MYH16: variants seen among roughly 807,000 people sequenced by gnomAD.
MYH16 encodes the protein myosin heavy chain 16, also known as putative uncharacterized protein MYH16.
chr7:99,288,366 G>A (rs1792316031), intron 29 of MYH16, among the ~76,000 whole-genome samples: 1 of 152,130 alleles, frequency 6.6e-6, no homozygotes, highest in South Asian at 2.1e-4. Context: ...TTGAGCCCAG[G>A]GGGTTGAGAC....
At chr7:99,254,766 A>G (rs1791852533) in intron 8 of MYH16, among the ~76,000 whole-genome samples, 1 of 152,252 alleles carries the variant, frequency 6.6e-6, no homozygotes, top group East Asian at 1.9e-4. Context: ...CCCCACCCAC[A>G]GGTGGGCTTT....
intron 19 of MYH16, among the ~76,000 whole-genome samples, chr7:99,271,434 G>A (rs559016143): frequency 1.3e-5 from 2 of 152,234 alleles, no homozygotes; most frequent in South Asian, 2.1e-4. Context: ...GCTTGAATCC[G>A]GGAGGCGGAG....
chr7:99,276,597 A>G (rs1029196229), intron 20 of MYH16, among the ~76,000 whole-genome samples: 1 of 152,250 alleles, frequency 6.6e-6, no homozygotes, highest in Non-Finnish European at 1.5e-5. Context: ...AGCACGAGCA[A>G]ATGCTCCCGG....
intron 37 of MYH16, among the ~76,000 whole-genome samples, chr7:99,300,671 G>A (rs1370509320): frequency 6.6e-6 from 1 of 152,098 alleles, no homozygotes; most frequent in South Asian, 2.1e-4. Context: ...AGGCATGGTG[G>A]TGCTCGTGCC....
At chr7:99,270,018 C>T (rs1292620386) in intron 18 of MYH16, among the ~76,000 whole-genome samples, 2 of 151,796 alleles carry the variant, frequency 1.3e-5, no homozygotes, top group African/African-American at 2.4e-5. Flanking sequence ...GGATTACAGG[C>T]ACCTGCCAGC....
downstream of MYH16, among the ~76,000 whole-genome samples, chr7:99,310,248 G>A (rs765573226): frequency 1.1e-4 from 16 of 152,144 alleles, no homozygotes; most frequent in Non-Finnish European, 2.4e-4. Flanking sequence ...AGCGCGGTGG[G>A]GGATGAAGCT....
intron 37 of MYH16, among the ~76,000 whole-genome samples, chr7:99,299,927 T>TTTAA (rs1554339990): frequency 1.4e-5 from 2 of 138,182 alleles, no homozygotes; most frequent in Non-Finnish European, 1.5e-5. Context: ...TTTTATTTTA[T>TTTAA]TTTATTTATT....
chr7:99,259,625 A>G (rs1791914964), intron 11 of MYH16, among the ~76,000 whole-genome samples: 1 of 151,150 alleles, frequency 6.6e-6, no homozygotes, highest in African/African-American at 2.4e-5. Context: ...CGCTTGGCTA[A>G]TTTTGTATTT....
chr7:99,310,266 T>G (rs929501330), downstream of MYH16, among the ~76,000 whole-genome samples: 3 of 151,796 alleles, frequency 2.0e-5, no homozygotes, highest in East Asian at 5.8e-4. Flanking sequence ...GCTAGCAGGG[T>G]AGGGTAGGCA....
At chr7:99,280,111 G>C (rs947492938) in intron 22 of MYH16, among the ~76,000 whole-genome samples, 1 of 152,176 alleles carries the variant, frequency 6.6e-6, no homozygotes, top group Non-Finnish European at 1.5e-5. Context: ...CACCTCAGGT[G>C]ATCTGCCTGT....
exon 14 of MYH16, chr7:99,263,448 G>A (rs952747347): frequency 3.3e-5 from 5 of 152,884 alleles, no homozygotes; most frequent in African/African-American, 1.2e-4. Context: ...CTTCAAAGAA[G>A]AGGAGGCTCC....
At chr7:99,240,247 G>A (rs1336503908) in intron 1 of MYH16, among the ~76,000 whole-genome samples, 1 of 152,068 alleles carries the variant, frequency 6.6e-6, no homozygotes, top group East Asian at 1.9e-4. Flanking sequence ...TGCAAAAATA[G>A]CAAATGATGA....
At chr7:99,267,401 T>A (rs75089117) in intron 18 of MYH16, among the ~76,000 whole-genome samples, 3,138 of 152,228 alleles carry the variant, frequency 0.021, 85 homozygotes, top group African/African-American at 0.071. Flanking sequence ...GCTAATTTTT[T>A]AAATTATTTG....
chr7:99,273,568 C>G (rs1380577145), intron 20 of MYH16, 145 bp downstream of exon 2: 1 of 379,728 alleles, frequency 2.6e-6, no homozygotes, highest in Non-Finnish European at 5.2e-6. Context: ...AAAAATCTAG[C>G]CTCTGTCCAG....
chr7:99,249,379 T>C (rs1791780333), intron 4 of MYH16, among the ~76,000 whole-genome samples: 1 of 151,448 alleles, frequency 6.6e-6, no homozygotes, highest in Non-Finnish European at 1.5e-5. Flanking sequence ...AGACCCCATC[T>C]CTACAAAAAA....
At chr7:99,306,813 C>A (rs1792689082), downstream of MYH16, 1 of 152,654 alleles carries the variant, frequency 6.6e-6, no homozygotes, top group Non-Finnish European at 1.5e-5. Flanking sequence ...GGAGTGAGGC[C>A]CTCCGTGTCC....
At chr7:99,293,835 G>T (rs1792429194) in intron 32 of MYH16, among the ~76,000 whole-genome samples, 183 bp from the exon 14 acceptor site, 1 of 152,188 alleles carries the variant, frequency 6.6e-6, no homozygotes, top group East Asian at 1.9e-4. Context: ...GTAAGTGTTT[G>T]TTGAATGAAT....
At chr7:99,286,436 A>C (rs1031674412) in intron 27 of MYH16, 1 of 152,342 alleles carries the variant, frequency 6.6e-6, no homozygotes, top group South Asian at 2.1e-4. Context: ...CTTTCATCCC[A>C]GGTGGAGAAA....
At chr7:99,287,080 C>A (rs908253537) in intron 28 of MYH16, among the ~76,000 whole-genome samples, 2 of 152,176 alleles carry the variant, frequency 1.3e-5, no homozygotes, top group Non-Finnish European at 2.9e-5. Context: ...AGAATGTAGG[C>A]AAAGGCCTTT....
Sources: allele counts gnomAD v4.1 joint callset (sites outside exome capture counted in the v4.1 genomes callset), GRCh38; gene constraint gnomAD v4.1.1; transcripts MANE v1.5; gene names NCBI Gene and HGNC (gene_info 2026-07-23, HGNC 2026-07-21).